Variants in AGRN observed in about 807,000 individuals in gnomAD.
The protein encoded by AGRN is agrin, also known as agrin proteoglycan.
A neutral mutation model predicts 211.0 loss-of-function variants in AGRN; 106 were observed. The ratio of observed to expected loss-of-function variants is 0.50; its 90% CI spans 0.43 to 0.59. The LOEUF (loss-of-function observed/expected upper bound fraction) is 0.59, where lower values mean the gene tolerates loss of function less well. AGRN is among the 20% of genes least tolerant of loss of function. The pLI, the probability that AGRN is intolerant of heterozygous loss-of-function variation, is 0.00. For missense variants in AGRN, 3,040 were observed against 2,982.6 expected (o/e 1.02, Z -0.45); for synonymous variants, 1,525 against 1,332.5 (o/e 1.14, Z -3.15).
chr1:1,044,457 G>C lies in AGRN; in HGVS notation c.2254+18G>C, dbSNP rs376904632. Reference sequence around the variant, plus strand: ...CTGCCGAGGTGAGCCGGCTGCACGTGGGGTCTCAGGCACAGGCGGGGCGGC... The same window carrying C: ...CTGCCGAGGTGAGCCGGCTGCACGTCGGGTCTCAGGCACAGGCGGGGCGGC... On this transcript the variant is annotated intron_variant, in intron 12 of 35. Coordinates refer to ENST00000379370, the MANE Select transcript of AGRN (RefSeq NM_198576.4). The C allele has an allele frequency of 1.3e-6, 2 of 1,595,800 alleles. No homozygotes were observed. Among genetic ancestry groups the C allele is most frequent in the African/African-American group, 2.7e-5 (2 of 74,410 alleles).
At chr1:1,038,929 C>T (rs1278139011) in intron 3 of AGRN, among the ~76,000 whole-genome samples, 5 of 152,076 alleles carry the variant, frequency 3.3e-5, no homozygotes, top group African/African-American at 7.2e-5. Flanking sequence ...TGAGCCAGGA[C>T]GGGGGAAGGC....
In AGRN at chr1:1,055,109, G is replaced by T; in HGVS notation, c.*128G>T. ...CTGGCCCGGCCTCCCTTCCGTCCAGGCAGCCGTGCTGCAGACAGACCTAGT... is the reference window on the plus strand; with the variant it reads ...CTGGCCCGGCCTCCCTTCCGTCCAGTCAGCCGTGCTGCAGACAGACCTAGT... On this transcript the variant is annotated 3_prime_UTR_variant, in exon 36 of 36. Coordinates refer to ENST00000379370, the MANE Select transcript of AGRN (RefSeq NM_198576.4). The T allele has an allele frequency of 7.0e-7, 1 of 1,436,352 alleles. No homozygotes were observed. The highest frequency in any genetic ancestry group is 2.0e-5 in the Admixed American group (1 of 50,548). The allele number at this position is 1,436,352 out of a possible 1,614,324, so 89.0% of individuals were successfully genotyped here.
intron 4 of AGRN, 85 bp downstream of exon 4, chr1:1,040,965 TGGGGCG>T (rs1191077974): frequency 3.9e-6 from 1 of 254,576 alleles, no homozygotes; most frequent in African/African-American, 4.4e-5. Context: ...TCGGGGCCAG[TGGGGCG>T]GGGGCAGGGG....
At chr1:1,043,129 C>T (rs1224438117) in intron 7 of AGRN, 110 bp from the exon 8 acceptor site, 47 of 1,250,096 alleles carry the variant, frequency 3.8e-5, no homozygotes, top group East Asian at 2.5e-5. Flanking sequence ...TGTGTTCTCT[C>T]TTCCTCCACC....
intron 3 of AGRN, among the ~76,000 whole-genome samples, chr1:1,036,642 G>C (rs150521259): frequency 6.6e-6 from 1 of 152,098 alleles, no homozygotes; most frequent in Admixed American, 6.5e-5. Flanking sequence ...GTGGGAACCC[G>C]TCCTACCCCT....
intron 2 of AGRN, among the ~76,000 whole-genome samples, chr1:1,030,848 CGT>C (rs375435676): frequency 1.7e-4 from 13 of 77,636 alleles, no homozygotes; most frequent in South Asian, 1.4e-3. Flanking sequence ...GTGAGATCAG[CGT>C]GTGTGTGTGT....
Position 1,032,121 on chromosome 1 carries a change from G to C in AGRN, c.464-3156G>C, listed in dbSNP as rs1160792084. On this transcript the variant is annotated intron_variant, in intron 2 of 35. Transcript: ENST00000379370. This position sits in a 1 kb window ranked among gnomAD's most constrained non-coding sequence, Gnocchi z 4.7. ...TGGGGTAGGAGCTCCCCTGAGGAGA[G>C]AGTGAGGCCAGCAGGGGTGGGTCTC... 6.6e-6 allele frequency among the ~76,000 whole-genome samples: 1 copy of C among 152,234 alleles called. No individual in the cohort carries two copies. The highest frequency in any genetic ancestry group is 2.4e-5 in the African/African-American group (1 of 41,448).
chr1:1,049,851 C>T, intron 26 of AGRN, 52 bp from the exon 27 acceptor site: 1 of 1,611,308 alleles, frequency 6.2e-7, no homozygotes, highest in Non-Finnish European at 8.5e-7. Flanking sequence ...TGGGCGGTAC[C>T]CAACCGACGC....
intron 2 of AGRN, chr1:1,034,718 G>A: frequency 1.0e-6 from 1 of 996,876 alleles, no homozygotes; most frequent in Non-Finnish European, 1.2e-6. Flanking sequence ...GTGGCCGCGG[G>A]CGGGGCGTCG....
At position 1,035,179 on chromosome 1, in the gene AGRN, G is replaced by C. The variant is rs1332835065; in HGVS notation, c.464-98G>C. The C allele has an allele frequency of 2.1e-5, 26 of 1,217,870 alleles. 1 individual carries two copies. Among genetic ancestry groups the C allele is most frequent in the South Asian group, 9.7e-5 (8 of 82,608 alleles). 75.4% of individuals were successfully genotyped at this position (1,217,870 alleles called of 1,614,324 possible). On this transcript the variant is annotated intron_variant, in intron 2 of 35. Coordinates refer to ENST00000379370, the MANE Select transcript of AGRN (RefSeq NM_198576.4). ...CCCTGGGGCTAGCGGTGGGGGGGGG[G>C]GGGTGGGCAGGGGTGCCCCTTTCCA...
At chr1:1,020,670 G>A (rs1188794909) in intron 1 of AGRN, among the ~76,000 whole-genome samples, 1 of 142,108 alleles carries the variant, frequency 7.0e-6, no homozygotes, top group Non-Finnish European at 1.6e-5. Context: ...GAGAAGGAGA[G>A]GGGCCTGGGG....
intron 2 of AGRN, 25 bp downstream of exon 2, chr1:1,022,487 G>A: frequency 6.3e-7 from 1 of 1,591,688 alleles, no homozygotes; most frequent in Non-Finnish European, 8.6e-7. Context: ...GCTCGTGTGG[G>A]GGCCTGTGGG....
chr1:1,040,873 G>A lies in AGRN; in HGVS notation c.720G>A (p.Gly240=). The A allele has an allele frequency of 1.3e-6, 2 of 1,516,462 alleles. No homozygotes were observed. The highest frequency in any genetic ancestry group is 1.8e-6 in the Non-Finnish European group (2 of 1,140,010). 93.9% of individuals were successfully genotyped at this position (1,516,462 alleles called of 1,614,324 possible). A position where few individuals can be genotyped will look rare whatever the true frequency, so the allele number is the denominator to read the frequency against. The part of the protein sequence containing the change: ...QQRRIRLLSR[G]PCGSRDPCSN... ...GCCGCATCCGCCTGCTCAGCCGCGG[G>A]CCGTGCGGTGAGCGGGGCGGGGCCG... Residue 240 remains glycine, a synonymous_variant, in exon 4 of 36, where the codon GGG becomes GGA. Transcript: ENST00000379370.
chr1:1,041,458 C>A lies in AGRN; in HGVS notation c.953-20C>A. On this transcript the variant is annotated intron_variant, in intron 5 of 35. Coordinates refer to ENST00000379370, the MANE Select transcript of AGRN (RefSeq NM_198576.4). Reference sequence around the variant, plus strand: ...TGGGCGCGCGGCGACAGCGTCCTGACTCCTGCCCTCGACCCCCAGACCCCT... The same window carrying A: ...TGGGCGCGCGGCGACAGCGTCCTGAATCCTGCCCTCGACCCCCAGACCCCT... 1 of 1,577,352 alleles carries A rather than the reference C, an allele frequency of 6.3e-7. No individual in the cohort carries two copies. The highest frequency in any genetic ancestry group is 8.5e-7 in the Non-Finnish European group (1 of 1,169,616).
chr1:1,022,568 G>A, intron 2 of AGRN, 106 bp downstream of exon 2: 1 of 791,984 alleles, frequency 1.3e-6, no homozygotes, highest in Non-Finnish European at 1.7e-6. Flanking sequence ...CTGTGCCGGA[G>A]GCTGCAGCAC....
rs537192676 is a variant in AGRN at position 1,053,571 on chromosome 1, G to T, written c.5652-182G>T. On this transcript the variant is annotated intron_variant, in intron 33 of 35. Transcript: ENST00000379370. ...CCGCCCGTCTCTCTGATCTCTCTCT[G>T]CCAGGCTGCCCCTGTCTCCATCCCT... The T allele has an allele frequency of 2.4e-5, 36 of 1,518,796 alleles. No individual in the cohort carries two copies. The Middle Eastern group carries it at 6.8e-4, about 29-fold the overall frequency. The allele number at this position is 1,518,796 out of a possible 1,614,324, so 94.1% of individuals were successfully genotyped here. A position where few individuals can be genotyped will look rare whatever the true frequency, so the allele number is the denominator to read the frequency against.
chr1:1,053,737 G>C lies in AGRN; in HGVS notation c.5652-16G>C. 6.3e-7 allele frequency: 1 copy of C among 1,583,196 alleles called. No homozygotes were observed. The highest frequency in any genetic ancestry group is 2.3e-5 in the East Asian group (1 of 43,690). On this transcript the variant is annotated splice_polypyrimidine_tract_variant and intron_variant, in intron 33 of 35. Coordinates refer to ENST00000379370, the MANE Select transcript of AGRN (RefSeq NM_198576.4). Reference sequence around the variant, plus strand: ...GCCACCTTCCTAGAGGCCCTGACCTGCCCTCTGCCCTCCAGCGAGAAGGCA... The same window carrying C: ...GCCACCTTCCTAGAGGCCCTGACCTCCCCTCTGCCCTCCAGCGAGAAGGCA...
At chr1:1,040,382 G>A (rs975186289) in intron 3 of AGRN, among the ~76,000 whole-genome samples, 1 of 152,196 alleles carries the variant, frequency 6.6e-6, no homozygotes, top group Admixed American at 6.5e-5. Flanking sequence ...GTCGGGTGCC[G>A]CCTGCGGCAG....
In AGRN at chr1:1,040,858, C is replaced by T; in HGVS notation, c.705C>T (p.Arg235=). The change falls in exon 4 of 36, where the codon CGC becomes CGT. Residue 235 remains arginine, a synonymous_variant. Coordinates refer to ENST00000379370, the MANE Select transcript of AGRN (RefSeq NM_198576.4). ...RAQCSQQRRI[R]LLSRGPCGSR... The stretch of plus-strand genomic sequence containing the variant: ...AGTGCAGCCAGCAGCGCCGCATCCG[C>T]CTGCTCAGCCGCGGGCCGTGCGGTG... 6.5e-7 allele frequency: 1 copy of T among 1,528,892 alleles called. No homozygotes were observed. The highest frequency in any genetic ancestry group is 8.7e-7 in the Non-Finnish European group (1 of 1,144,308). 94.7% of individuals were successfully genotyped at this position (1,528,892 alleles called of 1,614,324 possible).
Sources: gnomAD v4.1 joint callset for allele counts (sites outside exome capture counted in the v4.1 genomes callset) on GRCh38, gnomAD v4.1.1 for gene constraint, Gnocchi (gnomAD v3.1) non-coding constraint, MANE v1.5 for transcripts, NCBI Gene and HGNC (gene_info 2026-07-23, HGNC 2026-07-21) for gene names.